The following CHRNA1 variants were observed in gnomAD, a reference collection of about 807,000 sequenced individuals.
The protein encoded by CHRNA1 is cholinergic receptor nicotinic alpha 1 subunit, also known as acetylcholine receptor subunit alpha.
A neutral mutation model predicts 47.1 loss-of-function variants in CHRNA1; 35 were observed. The ratio of observed to expected loss-of-function variants is 0.74; its 90% CI spans 0.57 to 0.99. CHRNA1 has a LOEUF of 0.99. CHRNA1 is among the 50% of genes least tolerant of loss of function. CHRNA1 has a pLI of 0.00. For synonymous variants in CHRNA1, 229 were observed against 223.6 expected (o/e 1.02, Z -0.22); for missense variants, 506 against 591.1 (o/e 0.86, Z 1.49).
chr2:174,760,683 C>T (rs1684085975), intron 1 of CHRNA1, among the ~76,000 whole-genome samples: 1 of 152,268 alleles, frequency 6.6e-6, no homozygotes, highest in South Asian at 2.1e-4. Flanking sequence ...GAATTGTATA[C>T]TTTAAAGTGG....
intron 1 of CHRNA1, among the ~76,000 whole-genome samples, chr2:174,760,485 T>C (rs975850996): frequency 3.9e-5 from 6 of 152,182 alleles, no homozygotes; most frequent in African/African-American, 9.7e-5. Flanking sequence ...TTCATCTACA[T>C]GAAGCATCCA....
At chr2:174,759,957 C>T (rs956826092) in intron 1 of CHRNA1, among the ~76,000 whole-genome samples, 40 of 140,886 alleles carry the variant, frequency 2.8e-4, no homozygotes, top group African/African-American at 9.8e-4. Flanking sequence ...CACACACACA[C>T]ACGAAAAAAA....
chr2:174,760,786 T>C (rs1684087538), intron 1 of CHRNA1, among the ~76,000 whole-genome samples: 1 of 152,216 alleles, frequency 6.6e-6, no homozygotes, highest in African/African-American at 2.4e-5. Flanking sequence ...GTTGTTAAAA[T>C]AGAGTGAAAA....
intron 4 of CHRNA1, among the ~76,000 whole-genome samples, chr2:174,756,299 T>C (rs1683979573): frequency 6.6e-6 from 1 of 152,184 alleles, no homozygotes; most frequent in Admixed American, 6.5e-5. Flanking sequence ...AAGTGTTGAA[T>C]GGGCAGGATG....
In CHRNA1 at chr2:174,753,638, C is replaced by T. The variant is rs148304857; in HGVS notation, c.643G>A (p.Asp215Asn). 1,180 of 1,613,974 alleles carry T rather than the reference C, an allele frequency of 7.3e-4. 11 individuals carry two copies. The African/African-American group carries it at 0.014, about 20-fold the overall frequency. The change falls in exon 6 of 9, where the codon GAC becomes AAC. Residue 215 changes from aspartate (D) to asparagine (N), a missense_variant. By Grantham distance (23) the Asp-to-Asn change is conservative (BLOSUM62 1). Transcript: ENST00000348749. Reference sequence around the variant, plus strand: ...TAGGTGATGTCCAGGTAGGGGGTGTCGGGGCAGCAGGAATAGGTCACGGAG... The same window carrying T: ...TAGGTGATGTCCAGGTAGGGGGTGTTGGGGCAGCAGGAATAGGTCACGGAG... ...KHSVTYSCCP[D>N]TPYLDITYHF...
chr2:174,754,350 T>C lies in CHRNA1; in HGVS notation c.409A>G (p.Thr137Ala). The C allele has an allele frequency of 6.2e-7, 1 of 1,614,138 alleles. No homozygotes were observed. Among genetic ancestry groups the C allele is most frequent in the Non-Finnish European group, 8.5e-7 (1 of 1,180,028 alleles). The change falls in exon 5 of 9, where the codon ACG becomes GCG. Residue 137 changes from threonine to alanine, a missense_variant. Physicochemically the swap from Thr to Ala is moderately conservative, Grantham distance 58 (BLOSUM62 0). Coordinates refer to ENST00000348749, the MANE Select transcript of CHRNA1 (RefSeq NM_000079.4). ...KVLLQYTGHI[T>A]WTPPAIFKSY... ...TTAAAGATGGCTGGAGGTGTCCACG[T>C]GATGTGGCCAGTGTACTGCAGGAGC...
At position 174,754,363 on chromosome 2, in the gene CHRNA1, G is replaced by A. The variant is rs1683928068; in HGVS notation, c.396C>T (p.Tyr132=). The A allele has an allele frequency of 6.2e-7, 1 of 1,614,068 alleles. No homozygotes were observed. The highest frequency in any genetic ancestry group is 8.5e-7 in the Non-Finnish European group (1 of 1,180,042). The part of the protein sequence containing the change: ...IVKFTKVLLQ[Y]TGHITWTPPA... The stretch of plus-strand genomic sequence containing the variant: ...GAGGTGTCCACGTGATGTGGCCAGT[G>A]TACTGCAGGAGCACTTTGGTGAACT... The change falls in exon 5 of 9, where the codon TAC becomes TAT. Residue 132 remains tyrosine (Y), a synonymous_variant. Transcript: ENST00000348749.
chr2:174,755,318 G>A (rs901338545), intron 4 of CHRNA1, among the ~76,000 whole-genome samples: 6 of 152,198 alleles, frequency 3.9e-5, no homozygotes, highest in African/African-American at 1.4e-4. Flanking sequence ...TCTCCTGTCA[G>A]GAAGGTGCCA....
In CHRNA1 at chr2:174,759,377, TG is replaced by T; in HGVS notation, c.190-3del. 1.9e-6 allele frequency: 3 copies of T among 1,589,062 alleles called. No homozygotes were observed. Among genetic ancestry groups the T allele is most frequent in the Non-Finnish European group, 2.6e-6 (3 of 1,164,380 alleles). ...TGTCACGATCTGATTTACTTCATCC[TG>T]GAAAAAAAAATAAGGATCATTTTTA... On this transcript the variant is annotated splice_region_variant and splice_polypyrimidine_tract_variant and intron_variant, in intron 2 of 8. Coordinates refer to ENST00000348749, the MANE Select transcript of CHRNA1 (RefSeq NM_000079.4).
At position 174,760,968 on chromosome 2, in the gene CHRNA1, G is replaced by T. The variant is rs184770813; in HGVS notation, c.44-1335C>A. On this transcript the variant is annotated intron_variant, in intron 1 of 8. Coordinates refer to ENST00000348749, the MANE Select transcript of CHRNA1 (RefSeq NM_000079.4). The stretch of plus-strand genomic sequence containing the variant: ...TCAATCTTCATCAGCCACAGATGAA[G>T]CAGGAGGGCAGACATTCTTACCTGA... Among the ~76,000 whole-genome samples, 41 of 152,250 alleles carry T rather than the reference G, an allele frequency of 2.7e-4. No individual in the cohort carries two copies. In the East Asian group the frequency reaches 4.3e-3, roughly 16 times the overall value.
In CHRNA1 at chr2:174,747,986, A is replaced by T; in HGVS notation, c.*138T>A. On this transcript the variant is annotated 3_prime_UTR_variant, in exon 9 of 9. Coordinates refer to ENST00000348749, the MANE Select transcript of CHRNA1 (RefSeq NM_000079.4). ...CAAGGCCATAAACTTACATAAAGGT[A>T]AATCTTATCATCAATAATAAGTATG... is the stretch of plus-strand genomic sequence containing the variant. The T allele has an allele frequency of 8.8e-7, 1 of 1,130,420 alleles. No individual in the cohort carries two copies. Among genetic ancestry groups the T allele is most frequent in the Non-Finnish European group, 1.3e-6 (1 of 777,090 alleles). 70.0% of individuals were successfully genotyped at this position (1,130,420 alleles called of 1,614,324 possible). A position where few individuals can be genotyped will look rare whatever the true frequency, so the allele number is the denominator to read the frequency against.
chr2:174,755,604 G>A (rs999819079), intron 4 of CHRNA1, among the ~76,000 whole-genome samples: 1 of 151,990 alleles, frequency 6.6e-6, no homozygotes, highest in African/African-American at 2.4e-5. Flanking sequence ...ATTTTTAGTA[G>A]AGACGGGGTT....
chr2:174,759,314 T>C lies in CHRNA1; in HGVS notation c.234+17A>G, dbSNP rs1158124078. ...GTGAATGAAAACGACACACATGCAA[T>C]TATCTGGCTAAGTTACCTGTTTCAG... On this transcript the variant is annotated intron_variant, in intron 3 of 8. Coordinates refer to ENST00000348749, the MANE Select transcript of CHRNA1 (RefSeq NM_000079.4). The C allele has an allele frequency of 6.2e-7, 1 of 1,613,844 alleles. No individual in the cohort carries two copies. The highest frequency in any genetic ancestry group is 2.2e-5 in the East Asian group (1 of 44,878).
chr2:174,764,340 C>T lies in CHRNA1; in HGVS notation c.43+12G>A. ...GGAGAGCCCTCTCCCCACCCCTGACCCCAGCACTTACCTGAGCAAAGGCTA... is the reference window on the plus strand; with the variant it reads ...GGAGAGCCCTCTCCCCACCCCTGACTCCAGCACTTACCTGAGCAAAGGCTA... On this transcript the variant is annotated intron_variant, in intron 1 of 8. Transcript: ENST00000348749. 1 of 1,612,778 alleles carries T rather than the reference C, an allele frequency of 6.2e-7. No homozygotes were observed. Among genetic ancestry groups the T allele is most frequent in the Non-Finnish European group, 8.5e-7 (1 of 1,179,482 alleles).
intron 3 of CHRNA1, among the ~76,000 whole-genome samples, chr2:174,758,468 C>A (rs945716112): frequency 6.6e-6 from 1 of 152,126 alleles, no homozygotes; most frequent in Non-Finnish European, 1.5e-5. Flanking sequence ...CTCCGAAATC[C>A]AAAATGCTCC....
In CHRNA1 at chr2:174,757,499, C is replaced by T. The variant is rs891174208; in HGVS notation, c.344+67G>A. Reference sequence around the variant, plus strand: ...TGAGAAGCATTCCGAGCGCGCAGCCCTTCTATTAGGGCACTTTATTCCACC... The same window carrying T: ...TGAGAAGCATTCCGAGCGCGCAGCCTTTCTATTAGGGCACTTTATTCCACC... On this transcript the variant is annotated intron_variant, in intron 4 of 8. Transcript: ENST00000348749. 7 of 1,160,340 alleles carry T rather than the reference C, an allele frequency of 6.0e-6. No individual in the cohort carries two copies. In the African/African-American group the frequency reaches 1.1e-4, roughly 18 times the overall value. 71.9% of individuals were successfully genotyped at this position (1,160,340 alleles called of 1,614,324 possible). A position where few individuals can be genotyped will look rare whatever the true frequency, so the allele number is the denominator to read the frequency against.
At chr2:174,759,684 A>G (rs1465897350) in intron 1 of CHRNA1, 51 bp from the exon 2 acceptor site, 3 of 1,606,346 alleles carry the variant, frequency 1.9e-6, no homozygotes, top group South Asian at 1.1e-5. Flanking sequence ...CCCACCCTCC[A>G]AACACATGAA....
At chr2:174,748,491 C>T (rs976930348) in intron 8 of CHRNA1, 89 bp downstream of exon 8, 107 of 1,528,720 alleles carry the variant, frequency 7.0e-5, no homozygotes, top group Non-Finnish European at 8.3e-5. Context: ...TGTTGTATGC[C>T]ACCTACTTGT....
chr2:174,761,028 T>G (rs1684091471), intron 1 of CHRNA1, among the ~76,000 whole-genome samples: 1 of 152,200 alleles, frequency 6.6e-6, no homozygotes, highest in South Asian at 2.1e-4. Context: ...TCCAAGGTCA[T>G]GTGACCAGTA....
Sources: allele counts gnomAD v4.1 joint callset (sites outside exome capture counted in the v4.1 genomes callset), GRCh38; gene constraint gnomAD v4.1.1; transcripts MANE v1.5; gene names NCBI Gene and HGNC (gene_info 2026-07-23, HGNC 2026-07-21).